CHID1: variants seen among roughly 807,000 people sequenced by gnomAD.
The protein encoded by CHID1 is chitinase domain containing 1.
In CHID1, 44 loss-of-function variants were observed where a neutral mutation model predicts 55.4. That is an observed-to-expected ratio of 0.79 (90% CI 0.62 to 1.02). The LOEUF (loss-of-function observed/expected upper bound fraction) is 1.02, where lower values mean the gene tolerates loss of function less well. Among genes scored for constraint, CHID1 ranks in the 50% least tolerant of loss-of-function variants. CHID1 has a pLI of 0.00. For synonymous variants in CHID1, 216 were observed against 212.9 expected (o/e 1.01, Z -0.13); for missense variants, 491 against 515.3 (o/e 0.95, Z 0.46).
upstream of CHID1, chr11:914,634 G>A (rs1852851406): frequency 8.7e-7 from 1 of 1,151,010 alleles, no homozygotes; most frequent in Admixed American, 2.3e-5. Context: ...TCGGGAGGCT[G>A]ATCACTTGAG....
chr11:869,623 C>A lies in CHID1; in HGVS notation c.*235G>T. On this transcript the variant is annotated 3_prime_UTR_variant, in exon 13 of 13. Transcript: ENST00000323578. ...GCCTGCCCAGCTGACAGGAGGCAGC[C>A]AGCGGATGCCCGGGTGGGAGGGGCT... 1 of 584,422 alleles carries A rather than the reference C, an allele frequency of 1.7e-6. No homozygotes were observed. The highest frequency in any genetic ancestry group is 3.1e-6 in the Non-Finnish European group (1 of 327,762). The allele number at this position is 584,422 out of a possible 1,614,324, so 36.2% of individuals were successfully genotyped here.
chr11:871,520 C>T (rs2134104076), intron 10 of CHID1, among the ~76,000 whole-genome samples: 1 of 152,412 alleles, frequency 6.6e-6, no homozygotes, highest in African/African-American at 2.4e-5. Flanking sequence ...GGGACCAGGG[C>T]AGGTGGTTCC....
upstream of CHID1, chr11:914,361 T>A (rs1010443755): frequency 2.3e-5 from 9 of 395,164 alleles, no homozygotes; most frequent in Non-Finnish European, 4.7e-6. Flanking sequence ...TAGGCCCAGG[T>A]CTGACCTGCC....
At chr11:883,337 A>C (rs199872894) in intron 9 of CHID1, 34 bp from the exon 10 acceptor site, 84 of 1,591,586 alleles carry the variant, frequency 5.3e-5, no homozygotes, top group Non-Finnish European at 6.9e-5. Flanking sequence ...TTTCAGCAAC[A>C]GGGAGGGCCC....
chr11:883,254 G>T lies in CHID1; in HGVS notation c.853C>A (p.Leu285Met), dbSNP rs745355777. ...LSWVRACVQV[L>M]DPKSKWRSKI... ...CTTCGCCACTTGGACTTCGGGTCCA[G>T]GACCTGGACGCAGGCTCGAACCCAG... The change falls in exon 10 of 13, where the codon CTG (leucine) becomes ATG (methionine). Residue 285 changes from leucine to methionine, a missense_variant. By Grantham distance (15) the Leu-to-Met change is conservative. Coordinates refer to ENST00000323578, the MANE Select transcript of CHID1 (RefSeq NM_023947.4). The T allele has an allele frequency of 6.2e-7, 1 of 1,614,156 alleles. No homozygotes were observed. Among genetic ancestry groups the T allele is most frequent in the Admixed American group, 1.7e-5 (1 of 60,024 alleles).
rs565543629 is a variant in CHID1, at chr11:909,933, G to A, written c.-44+842C>T. 3.3e-5 allele frequency among the ~76,000 whole-genome samples: 5 copies of A among 152,132 alleles called. 1 individual carries two copies. The highest frequency in any genetic ancestry group is 1.2e-4 in the African/African-American group (5 of 41,516). ...AAATTAGCTGGGTGCAGTGGTGTGC[G>A]CCTGTACTCCCAGCAACTCGGGAGA... On this transcript the variant is annotated intron_variant, in intron 1 of 12. Coordinates refer to ENST00000323578, the MANE Select transcript of CHID1 (RefSeq NM_023947.4).
At chr11:887,820 C>T (rs2134208381) in intron 8 of CHID1, among the ~76,000 whole-genome samples, 1 of 152,354 alleles carries the variant, frequency 6.6e-6, no homozygotes, top group East Asian at 1.9e-4. Context: ...CTCTCGTGGG[C>T]GCCATGCCCT....
chr11:910,223 G>GA (rs1183935380), intron 1 of CHID1, among the ~76,000 whole-genome samples: 1 of 152,036 alleles, frequency 6.6e-6, no homozygotes, highest in Non-Finnish European at 1.5e-5. Flanking sequence ...GGTTGGGGCT[G>GA]AACCAAGGGT....
At chr11:907,373 C>G (rs552434722) in intron 1 of CHID1, among the ~76,000 whole-genome samples, 6 of 151,680 alleles carry the variant, frequency 4.0e-5, no homozygotes, top group Non-Finnish European at 8.8e-5. Flanking sequence ...CCCAGCTATT[C>G]GAGAGGCTGA....
chr11:897,903 T>G (rs971675081), intron 7 of CHID1, among the ~76,000 whole-genome samples: 11 of 152,164 alleles, frequency 7.2e-5, no homozygotes, highest in Admixed American at 4.6e-4. Context: ...TGAGGGGTGC[T>G]GGCGGAGGGT....
chr11:914,494 T>A, upstream of CHID1: 1 of 1,284,930 alleles, frequency 7.8e-7, no homozygotes, highest in Non-Finnish European at 1.0e-6. Context: ...GCTGACTGGA[T>A]CCCTGCTTTA....
At chr11:884,805 C>T (rs1565175057) in intron 8 of CHID1, among the ~76,000 whole-genome samples, 2 of 152,216 alleles carry the variant, frequency 1.3e-5, no homozygotes, top group Admixed American at 6.5e-5. Context: ...GCATGGGCAC[C>T]GCGGAGGAAG....
intron 4 of CHID1, among the ~76,000 whole-genome samples, chr11:901,958 C>T (rs1851840997): frequency 6.6e-6 from 1 of 152,080 alleles, no homozygotes; most frequent in South Asian, 2.1e-4. Flanking sequence ...CACTGTCTCA[C>T]ACTTAGACAT....
intron 7 of CHID1, among the ~76,000 whole-genome samples, chr11:895,669 T>C (rs1227577169): frequency 6.6e-6 from 1 of 152,126 alleles, no homozygotes; most frequent in African/African-American, 2.4e-5. Flanking sequence ...CAGGAAAAGC[T>C]GCCCCTGAGC....
intron 8 of CHID1, among the ~76,000 whole-genome samples, chr11:887,718 G>A (rs1262978257): frequency 2.6e-5 from 4 of 152,110 alleles, no homozygotes; most frequent in Non-Finnish European, 4.4e-5. Flanking sequence ...ACCCCGTCCC[G>A]CTTCACACGC....
chr11:871,575 C>G (rs984113112), intron 10 of CHID1, among the ~76,000 whole-genome samples: 8 of 152,276 alleles, frequency 5.3e-5, no homozygotes, highest in African/African-American at 1.9e-4. Context: ...CAGGTGGAGG[C>G]AGCTGACAAT....
At chr11:901,228 C>T (rs1221185995) in intron 4 of CHID1, among the ~76,000 whole-genome samples, 1 of 152,124 alleles carries the variant, frequency 6.6e-6, no homozygotes, top group Admixed American at 6.5e-5. Flanking sequence ...TGAGCTTACC[C>T]TCCCTGAGCT....
intron 10 of CHID1, among the ~76,000 whole-genome samples, chr11:879,235 C>A (rs1263049655): frequency 6.6e-6 from 1 of 151,942 alleles, no homozygotes; most frequent in African/African-American, 2.4e-5. Flanking sequence ...TGTGATCCAC[C>A]CACCTTATTC....
At chr11:910,016 G>A (rs1416058292) in intron 1 of CHID1, among the ~76,000 whole-genome samples, 3 of 151,340 alleles carry the variant, frequency 2.0e-5, no homozygotes, top group African/African-American at 4.9e-5. Context: ...CCGAGATCGC[G>A]CCACTGCACT....
Sources: allele counts gnomAD v4.1 joint callset (sites outside exome capture counted in the v4.1 genomes callset), GRCh38; gene constraint gnomAD v4.1.1; transcripts MANE v1.5; gene names NCBI Gene and HGNC (gene_info 2026-07-23, HGNC 2026-07-21).